The following MSI2 variants were observed in gnomAD, a reference collection of about 807,000 sequenced individuals.
The protein encoded by MSI2 is musashi RNA binding protein 2.
In MSI2, 17 loss-of-function variants were observed where a neutral mutation model predicts 45.6. That is an observed-to-expected ratio of 0.37 (90% CI 0.26 to 0.56). MSI2 has a LOEUF of 0.56. MSI2 is among the 20% of genes least tolerant of loss of function. The probability of loss-of-function intolerance (pLI) is 0.77; values close to 1 mark genes in which losing one functional copy is unlikely to be tolerated. For synonymous variants in MSI2, 156 were observed against 158.2 expected (o/e 0.99, Z 0.11); for missense variants, 293 against 444.2 (o/e 0.66, Z 3.06).
intron 5 of MSI2, among the ~76,000 whole-genome samples, chr17:57,387,901 C>T (rs62060390): frequency 0.057 from 8,633 of 152,220 alleles, 326 homozygotes; most frequent in East Asian, 0.2. Context: ...AAGCATGTTT[C>T]ATGTGTTATC....
intron 6 of MSI2, among the ~76,000 whole-genome samples, chr17:57,492,578 G>C (rs1185828290): frequency 6.6e-6 from 1 of 152,060 alleles, no homozygotes; most frequent in East Asian, 1.9e-4. Flanking sequence ...AGTCTGGGGA[G>C]GGGTGAGGGA....
intron 11 of MSI2, among the ~76,000 whole-genome samples, chr17:57,661,593 G>A (rs757156317): frequency 5.3e-5 from 8 of 152,196 alleles, no homozygotes; most frequent in South Asian, 2.1e-4. Context: ...GGCTGGGCTC[G>A]TGACCTGGAG....
At chr17:57,510,838 G>T (rs1262023575) in intron 6 of MSI2, among the ~76,000 whole-genome samples, 2 of 152,188 alleles carry the variant, frequency 1.3e-5, no homozygotes, top group African/African-American at 4.8e-5. Flanking sequence ...ACATTTTTGT[G>T]TTTCTCTGGC....
At chr17:57,644,826 A>C (rs1910530767) in intron 10 of MSI2, among the ~76,000 whole-genome samples, 2 of 152,140 alleles carry the variant, frequency 1.3e-5, no homozygotes, top group African/African-American at 4.8e-5. Context: ...CCCCTTAATC[A>C]CACCTATTCA....
chr17:57,323,841 G>T (rs543937659), intron 5 of MSI2, among the ~76,000 whole-genome samples: 1 of 152,152 alleles, frequency 6.6e-6, no homozygotes, highest in Admixed American at 6.5e-5. Flanking sequence ...TTTCTTGCAC[G>T]AACTCATTAT....
At chr17:57,542,756 G>A (rs1396888357) in intron 7 of MSI2, among the ~76,000 whole-genome samples, 1 of 152,198 alleles carries the variant, frequency 6.6e-6, no homozygotes, top group African/African-American at 2.4e-5. Context: ...AGGTCTTTGA[G>A]CCTGGTCTGT....
At chr17:57,589,594 G>A (rs1364446183) in intron 7 of MSI2, among the ~76,000 whole-genome samples, 1 of 152,234 alleles carries the variant, frequency 6.6e-6, no homozygotes, top group Admixed American at 6.5e-5. Context: ...CAGCCAACTG[G>A]GGCTCGACTT....
At chr17:57,572,497 CCT>C (rs536844213) in intron 7 of MSI2, among the ~76,000 whole-genome samples, 109 of 152,230 alleles carry the variant, frequency 7.2e-4, no homozygotes, top group Non-Finnish European at 1.4e-3. Context: ...CTGCCTTTCT[CCT>C]TAAGGCAATC....
intron 5 of MSI2, among the ~76,000 whole-genome samples, chr17:57,326,850 G>A (rs1050774343): frequency 1.3e-5 from 2 of 152,160 alleles, no homozygotes; most frequent in South Asian, 2.1e-4. Flanking sequence ...TTTAAACCAC[G>A]GACTAGTAGC....
At chr17:57,507,975 G>T (rs1347812192) in intron 6 of MSI2, among the ~76,000 whole-genome samples, 1 of 152,156 alleles carries the variant, frequency 6.6e-6, no homozygotes, top group Non-Finnish European at 1.5e-5. Context: ...TCCTTGCTGT[G>T]CATTAGATGT....
rs76337157 is a variant in MSI2 at position 57,289,161 on chromosome 17, C to T, written c.312+26969C>T. Among the ~76,000 whole-genome samples, 1,030 of 152,322 alleles carry T rather than the reference C, an allele frequency of 6.8e-3. 8 individuals carry two copies. Among genetic ancestry groups the T allele is most frequent in the Non-Finnish European group, 0.011 (760 of 68,022 alleles). On this transcript the variant is annotated intron_variant, in intron 5 of 13. Coordinates refer to ENST00000284073, the MANE Select transcript of MSI2 (RefSeq NM_138962.4). Reference sequence around the variant, plus strand: ...TCACCTGGTCCAGGCCCCAGCCTCCCGCAGGTGGCTAGCCACATGCCCTGG... The same window carrying T: ...TCACCTGGTCCAGGCCCCAGCCTCCTGCAGGTGGCTAGCCACATGCCCTGG...
At chr17:57,342,801 A>G (rs1291855846) in intron 5 of MSI2, among the ~76,000 whole-genome samples, 1 of 152,238 alleles carries the variant, frequency 6.6e-6, no homozygotes, top group South Asian at 2.1e-4. Flanking sequence ...GGGGAAAATG[A>G]GTTATAATCA....
rs190925132 is a variant in MSI2 at position 57,672,091 on chromosome 17, C to A, written c.791-2881C>A. 3.3e-3 allele frequency among the ~76,000 whole-genome samples: 501 copies of A among 152,298 alleles called. 1 individual carries two copies. Among genetic ancestry groups the A allele is most frequent in the Middle Eastern group, 0.01 (3 of 294 alleles). On this transcript the variant is annotated intron_variant, in intron 11 of 13. Transcript: ENST00000284073. ...TGCTGGCTGCGCCCTCTAGTGGGGACCCAGCAGCCCTGTCTTTCACCCCTG... is the reference window on the plus strand; with the variant it reads ...TGCTGGCTGCGCCCTCTAGTGGGGAACCAGCAGCCCTGTCTTTCACCCCTG...
chr17:57,282,273 C>A (rs1266959880), intron 5 of MSI2, among the ~76,000 whole-genome samples: 1 of 152,102 alleles, frequency 6.6e-6, no homozygotes, highest in Non-Finnish European at 1.5e-5. Context: ...GGGCCAGTTG[C>A]GTATTTTCCA....
At chr17:57,626,932 G>A (rs530972140) in intron 9 of MSI2, 16 of 481,598 alleles carry the variant, frequency 3.3e-5, no homozygotes, top group East Asian at 1.1e-4. Context: ...AGAGCCAGGC[G>A]CAGGCTTTGT....
chr17:57,695,496 T>C, the MSI2 span, among the ~76,000 whole-genome samples: 1 of 152,326 alleles, frequency 6.6e-6, no homozygotes, highest in Non-Finnish European at 1.5e-5. Flanking sequence ...CACAGCCCGA[T>C]GCAGTGAGAC....
intron 6 of MSI2, among the ~76,000 whole-genome samples, chr17:57,467,519 C>A (rs1380396135): frequency 6.6e-6 from 1 of 151,660 alleles, no homozygotes; most frequent in African/African-American, 2.4e-5. Context: ...GCAGATGGAT[C>A]GATGAAAGGA....
chr17:57,563,716 T>TCTCTTTCC (rs1204822575), intron 7 of MSI2, among the ~76,000 whole-genome samples: 1 of 147,424 alleles, frequency 6.8e-6, no homozygotes, highest in Non-Finnish European at 1.5e-5. Context: ...TGTCTCTCTC[T>TCTCTTTCC]CTCTTTCCCT....
At chr17:57,293,595 G>GTTTTTTTTTTT (rs71139983) in intron 5 of MSI2, among the ~76,000 whole-genome samples, 34 of 134,644 alleles carry the variant, frequency 2.5e-4, no homozygotes, top group Non-Finnish European at 4.1e-4. Context: ...TTGTTTTTTT[G>GTTTTTTTTTTT]TTTTTTTTTT....
Sources: gnomAD v4.1 joint callset for allele counts (sites outside exome capture counted in the v4.1 genomes callset) on GRCh38, gnomAD v4.1.1 for gene constraint, MANE v1.5 for transcripts, NCBI Gene and HGNC (gene_info 2026-07-23, HGNC 2026-07-21) for gene names.